Variants in IL1RAPL1 observed in about 807,000 individuals in gnomAD.
The protein encoded by IL1RAPL1 is interleukin 1 receptor accessory protein like 1.
In IL1RAPL1, 3 loss-of-function variants were observed where a neutral mutation model predicts 48.4. The ratio of observed to expected loss-of-function variants is 0.06; its 90% CI spans 0.03 to 0.16. The LOEUF (loss-of-function observed/expected upper bound fraction) is 0.16. Among genes scored for constraint, IL1RAPL1 ranks in the 10% least tolerant of loss-of-function variants. IL1RAPL1 has a pLI of 1.00. For synonymous variants in IL1RAPL1, 185 were observed against 187.7 expected, an observed-to-expected ratio of 0.99 and a Z score of 0.12; for missense variants, 349 against 530.6, an observed-to-expected ratio of 0.66 and a Z score of 3.36.
intron 1 of IL1RAPL1, among the ~76,000 whole-genome samples, chrX:28,738,544 C>A (rs1045520167): frequency 9.0e-6 from 1 of 110,744 alleles, no homozygotes; most frequent in African/African-American, 3.3e-5. Flanking sequence ...CACTGAGAAG[C>A]AGTCATTTCA....
intron 5 of IL1RAPL1, among the ~76,000 whole-genome samples, chrX:29,588,724 G>A (rs1476566670): frequency 3.6e-5 from 4 of 112,113 alleles, no homozygotes; most frequent in Non-Finnish European, 5.6e-5. Flanking sequence ...ATATTTTCTA[G>A]TGATAAGTGC....
intron 5 of IL1RAPL1, among the ~76,000 whole-genome samples, chrX:29,605,950 T>C (rs1273612489): frequency 3.6e-5 from 4 of 112,016 alleles, no homozygotes; most frequent in Non-Finnish European, 5.6e-5. Flanking sequence ...ACAAATGATA[T>C]ATAACAGAAA....
At chrX:28,857,803 C>G (rs958421527) in intron 2 of IL1RAPL1, among the ~76,000 whole-genome samples, 5 of 111,506 alleles carry the variant, frequency 4.5e-5, no homozygotes, top group African/African-American at 1.6e-4. Flanking sequence ...TTCTGCAGCC[C>G]ATGGATAAAG....
At chrX:29,134,723 T>C (rs1163168060) in intron 2 of IL1RAPL1, among the ~76,000 whole-genome samples, 1 of 111,698 alleles carries the variant, frequency 9.0e-6, no homozygotes, top group Non-Finnish European at 1.9e-5. Flanking sequence ...ATTCCATTTT[T>C]CCCAAATGAG....
chrX:29,131,984 A>G (rs1273847036), intron 2 of IL1RAPL1, among the ~76,000 whole-genome samples: 4 of 111,595 alleles, frequency 3.6e-5, no homozygotes, highest in Non-Finnish European at 7.5e-5. Flanking sequence ...TCAAAATGGA[A>G]TGCTTTCTGT....
At chrX:29,042,918 T>C (rs751312597) in intron 2 of IL1RAPL1, among the ~76,000 whole-genome samples, 1 of 111,258 alleles carries the variant, frequency 9.0e-6, no homozygotes, top group South Asian at 3.8e-4. Context: ...GTAGGGAAAG[T>C]GTATATAGAT....
At chrX:29,746,395 T>A (rs1270540972) in intron 6 of IL1RAPL1, among the ~76,000 whole-genome samples, 2 of 111,926 alleles carry the variant, frequency 1.8e-5, no homozygotes, top group Non-Finnish European at 3.8e-5. Context: ...ATTTTCTGAA[T>A]GAGTCATTTC....
intron 1 of IL1RAPL1, among the ~76,000 whole-genome samples, chrX:28,617,302 G>T (rs1478363085): frequency 9.0e-6 from 1 of 111,149 alleles, no homozygotes; most frequent in Non-Finnish European, 1.9e-5. Flanking sequence ...GTCTTTTTGG[G>T]GAAGAGGCTG....
At chrX:29,539,673 G>A (rs1051010999) in intron 5 of IL1RAPL1, among the ~76,000 whole-genome samples, 7 of 110,400 alleles carry the variant, frequency 6.3e-5, no homozygotes, top group African/African-American at 1.7e-4. Context: ...TTAAAAATGC[G>A]TAGCACCTCC....
intron 3 of IL1RAPL1, among the ~76,000 whole-genome samples, chrX:29,313,282 TGTGTGCGC>T (rs752365768): frequency 1.9e-3 from 156 of 82,551 alleles, no homozygotes; most frequent in South Asian, 3.3e-3. Context: ...TGTGTGTGTG[TGTGTGCGC>T]GCGCACATGC....
At chrX:29,276,687 T>A (rs1932125043) in intron 2 of IL1RAPL1, among the ~76,000 whole-genome samples, 1 of 111,474 alleles carries the variant, frequency 9.0e-6, no homozygotes, top group Non-Finnish European at 1.9e-5. Context: ...ATGAGGTTTT[T>A]TTTTCTTTTT....
chrX:29,549,849 A>G (rs777861242), intron 5 of IL1RAPL1, among the ~76,000 whole-genome samples: 78 of 112,003 alleles, frequency 7.0e-4, no homozygotes, highest in Non-Finnish European at 1.3e-3. Context: ...CAATCGTGTA[A>G]GATAAACAAC....
At chrX:29,752,103 T>C (rs562532800) in intron 6 of IL1RAPL1, among the ~76,000 whole-genome samples, 964 of 96,367 alleles carry the variant, frequency 0.01, 3 homozygotes, top group African/African-American at 0.02. Context: ...TATATATATA[T>C]ACACACATAT....
intron 3 of IL1RAPL1, among the ~76,000 whole-genome samples, chrX:29,336,968 A>T (rs774096881): frequency 4.5e-5 from 5 of 110,638 alleles, no homozygotes; most frequent in Non-Finnish European, 7.6e-5. Flanking sequence ...TCTGGTTTCT[A>T]TGTCACACTT....
intron 3 of IL1RAPL1, among the ~76,000 whole-genome samples, chrX:29,353,940 T>C (rs939756003): frequency 4.6e-5 from 5 of 109,638 alleles, no homozygotes; most frequent in African/African-American, 1.3e-4. Context: ...TAGTTTCTCA[T>C]TGAATCCTCA....
intron 5 of IL1RAPL1, among the ~76,000 whole-genome samples, chrX:29,621,168 A>T (rs770723275): frequency 8.9e-6 from 1 of 112,059 alleles, no homozygotes; most frequent in East Asian, 2.8e-4. Context: ...CAACTAATAA[A>T]GATTGGTATA....
At chrX:29,629,677 C>G (rs1924713174) in intron 5 of IL1RAPL1, among the ~76,000 whole-genome samples, 1 of 112,144 alleles carries the variant, frequency 8.9e-6, no homozygotes, top group African/African-American at 3.2e-5. Context: ...AGTTCCCATT[C>G]TTTCTTGATA....
At chrX:29,877,838 G>T (rs1931940673) in intron 6 of IL1RAPL1, among the ~76,000 whole-genome samples, 1 of 111,386 alleles carries the variant, frequency 9.0e-6, no homozygotes. Flanking sequence ...TAGAATTTTG[G>T]TTTAAGGCTT....
chrX:29,828,928 C>T (rs899892385), intron 6 of IL1RAPL1, among the ~76,000 whole-genome samples: 1 of 109,335 alleles, frequency 9.1e-6, no homozygotes, highest in Non-Finnish European at 1.9e-5. Context: ...AAAGAGGGTA[C>T]GAGAAGGTCA....
Sources: allele counts gnomAD v4.1 joint callset (sites outside exome capture counted in the v4.1 genomes callset), GRCh38; gene constraint gnomAD v4.1.1; transcripts MANE v1.5; gene names NCBI Gene and HGNC (gene_info 2026-07-23, HGNC 2026-07-21).